Variants in LRIG1 observed in about 807,000 individuals in gnomAD.
LRIG1 encodes leucine-rich repeats and immunoglobulin-like domains protein 1.
A neutral mutation model predicts 99.2 loss-of-function variants in LRIG1; 48 were observed. The ratio of observed to expected loss-of-function variants is 0.48; its 90% confidence interval spans 0.38 to 0.62. LRIG1 has a LOEUF of 0.62. Among genes scored for constraint, LRIG1 ranks in the 20% least tolerant of loss-of-function variants. LRIG1 has a pLI of 0.00. For missense variants in LRIG1, 1,646 were observed against 1,434.4 expected, an observed-to-expected ratio of 1.15 and a Z score of -2.38; for synonymous variants, 772 against 596.1, an observed-to-expected ratio of 1.29 and a Z score of -4.30.
chr3:66,407,431 G>A lies in LRIG1; in HGVS notation c.996C>T (p.Ser332=), dbSNP rs764995463. 2.5e-6 allele frequency: 4 copies of A among 1,614,040 alleles called. No homozygotes were observed. In the South Asian group the frequency reaches 4.4e-5, roughly 18 times the overall value. ...TGTGGCTGAGACGCAGGACACTCAGGCTGCTCAGCTCGGCCAGGCTCTCCT... is the reference window on the plus strand; with the variant it reads ...TGTGGCTGAGACGCAGGACACTCAGACTGCTCAGCTCGGCCAGGCTCTCCT... The part of the protein sequence containing the change: ...LDEESLAELS[S]LSVLRLSHNS... Residue 332 remains serine (S), a synonymous_variant, in exon 8 of 19, where the codon AGC becomes AGT. Transcript: ENST00000273261.
At chr3:66,402,259 T>C (rs1702087222) in intron 9 of LRIG1, among the ~76,000 whole-genome samples, 1 of 152,086 alleles carries the variant, frequency 6.6e-6, no homozygotes, top group Admixed American at 6.5e-5. Context: ...CTCTGTGCCA[T>C]CGTGCAGGCC....
At chr3:66,385,135 C>G (rs767389559) in intron 13 of LRIG1, among the ~76,000 whole-genome samples, 1 of 152,166 alleles carries the variant, frequency 6.6e-6, no homozygotes. Flanking sequence ...ACTCTTCAAG[C>G]TATCTACTCC....
At chr3:66,464,324 AAG>A (rs1700422740) in intron 1 of LRIG1, among the ~76,000 whole-genome samples, 1 of 152,136 alleles carries the variant, frequency 6.6e-6, no homozygotes, top group African/African-American at 2.4e-5. Flanking sequence ...ACAAGCAAGT[AAG>A]AGAGGGCTGG....
chr3:66,415,929 C>G (rs1309052446), intron 4 of LRIG1, among the ~76,000 whole-genome samples: 1 of 152,204 alleles, frequency 6.6e-6, no homozygotes, highest in Non-Finnish European at 1.5e-5. Flanking sequence ...AGAGGATTTT[C>G]TGCCACAGAG....
chr3:66,430,721 G>A (rs1027076426), intron 3 of LRIG1, among the ~76,000 whole-genome samples: 1 of 152,108 alleles, frequency 6.6e-6, no homozygotes, highest in African/African-American at 2.4e-5. Flanking sequence ...GTACCAGGTT[G>A]GGCTAAGAGA....
In LRIG1 at chr3:66,381,591, GTCGGGC is replaced by G; in HGVS notation, c.2652_2657del (p.Glu884_Pro885del). 6.2e-7 allele frequency: 1 copy of G among 1,614,096 alleles called. No individual in the cohort carries two copies. The highest frequency in any genetic ancestry group is 1.1e-5 in the South Asian group (1 of 91,086). Reference sequence around the variant, plus strand: ...GCTGCCTGCAGGCAACGCTGTGAGTGTCGGGCTCTGGAAAGTGGCTTGCATCTCTTG... The same window carrying G: ...GCTGCCTGCAGGCAACGCTGTGAGTGTCTGGAAAGTGGCTTGCATCTCTTG... On this transcript the variant is annotated inframe_deletion, in exon 17 of 19. Coordinates refer to ENST00000273261, the MANE Select transcript of LRIG1 (RefSeq NM_015541.3).
In LRIG1 at chr3:66,407,395, G is replaced by C; in HGVS notation, c.1032C>G (p.Ser344Arg). ...SVLRLSHNSI[S>R]HIAEGAFKGL... ...CCTTGAAGGCACCCTCCGCAATGTG[G>C]CTGATGGAATTGTGGCTGAGACGCA... is the stretch of plus-strand genomic sequence containing the variant. Residue 344 changes from serine to arginine, a missense_variant, in exon 8 of 19, where the codon AGC (serine) becomes AGG (arginine). Coordinates refer to ENST00000273261, the MANE Select transcript of LRIG1 (RefSeq NM_015541.3). 6.2e-7 allele frequency: 1 copy of C among 1,614,124 alleles called. No homozygotes were observed. Among genetic ancestry groups the C allele is most frequent in the Non-Finnish European group, 8.5e-7 (1 of 1,180,032 alleles).
At chr3:66,457,464 T>C (rs1332968529) in intron 2 of LRIG1, among the ~76,000 whole-genome samples, 1 of 152,044 alleles carries the variant, frequency 6.6e-6, no homozygotes, top group African/African-American at 2.4e-5. Context: ...TGGTAAGACA[T>C]TCAACCAGTC....
In LRIG1 at chr3:66,440,014, GAA is replaced by G. The variant is rs537582523; in HGVS notation, c.365+11543_365+11544del. ...TATTTCCCCTCCACCTGGTGAGAAA[GAA>G]AGAGGGGGAAAAAAAGGAGTGGAGG... On this transcript the variant is annotated intron_variant, in intron 3 of 18. Transcript: ENST00000273261. Among the ~76,000 whole-genome samples, 549 of 146,972 alleles carry G rather than the reference GAA, an allele frequency of 3.7e-3. 2 individuals carry two copies. The highest frequency in any genetic ancestry group is 0.014 in the African/African-American group (522 of 36,426).
At chr3:66,389,073 C>A (rs1000824445) in intron 12 of LRIG1, among the ~76,000 whole-genome samples, 1 of 151,896 alleles carries the variant, frequency 6.6e-6, no homozygotes, top group Admixed American at 6.6e-5. Flanking sequence ...GTAATGTGTA[C>A]GACAACAGTA....
chr3:66,419,753 T>C (rs892062345), intron 3 of LRIG1, among the ~76,000 whole-genome samples: 2 of 151,728 alleles, frequency 1.3e-5, no homozygotes, highest in Non-Finnish European at 2.9e-5. Context: ...CCCTACCAGC[T>C]CCACCCTCTG....
intron 1 of LRIG1, among the ~76,000 whole-genome samples, chr3:66,484,227 T>G (rs1700917159): frequency 6.6e-6 from 1 of 152,094 alleles, no homozygotes; most frequent in Admixed American, 6.5e-5. Flanking sequence ...CAGAGGTATT[T>G]CCACAGGACA....
At chr3:66,404,111 G>A in intron 9 of LRIG1, 1 of 494,200 alleles carries the variant, frequency 2.0e-6, no homozygotes, top group South Asian at 1.7e-5. Flanking sequence ...CGCTCAAGAA[G>A]TACCTTCTTC....
intron 2 of LRIG1, among the ~76,000 whole-genome samples, chr3:66,460,635 C>A (rs940535837): frequency 3.3e-5 from 5 of 152,244 alleles, no homozygotes; most frequent in Non-Finnish European, 7.3e-5. Flanking sequence ...CTGCCAGTAC[C>A]TTGATCTTGG....
intron 2 of LRIG1, among the ~76,000 whole-genome samples, chr3:66,455,338 T>C (rs1307873871): frequency 6.6e-6 from 1 of 152,226 alleles, no homozygotes; most frequent in African/African-American, 2.4e-5. Flanking sequence ...ATAGTAAACA[T>C]AAAGCTTCTT....
chr3:66,465,885 GCAACCAC>G (rs1283300898), intron 1 of LRIG1, among the ~76,000 whole-genome samples: 2 of 151,990 alleles, frequency 1.3e-5, no homozygotes, highest in Non-Finnish European at 2.9e-5. Flanking sequence ...CTAGCCCCTG[GCAACCAC>G]CATTCTACTT....
At chr3:66,385,584 C>A (rs1322998467) in intron 13 of LRIG1, among the ~76,000 whole-genome samples, 1 of 152,298 alleles carries the variant, frequency 6.6e-6, no homozygotes, top group Middle Eastern at 3.4e-3. Context: ...TCCCAAGTAG[C>A]TGGGATTACA....
intron 1 of LRIG1, among the ~76,000 whole-genome samples, chr3:66,470,709 A>G (rs1227991411): frequency 6.6e-6 from 1 of 152,176 alleles, no homozygotes; most frequent in African/African-American, 2.4e-5. Flanking sequence ...CATTTACTTA[A>G]AAGTTCTGAA....
chr3:66,451,691 C>T (rs1703909659), intron 2 of LRIG1, 58 bp from the exon 3 acceptor site: 1 of 1,261,698 alleles, frequency 7.9e-7, no homozygotes, highest in Admixed American at 1.7e-5. Flanking sequence ...TGAAATCATA[C>T]ACATACAACA....
Sources: gnomAD v4.1 joint callset for allele counts (sites outside exome capture counted in the v4.1 genomes callset) on GRCh38, gnomAD v4.1.1 for gene constraint, MANE v1.5 for transcripts, NCBI Gene and HGNC (gene_info 2026-07-23, HGNC 2026-07-21) for gene names.